MYO18B: variants seen among roughly 807,000 people sequenced by gnomAD.
MYO18B encodes the protein myosin XVIIIB.
A neutral mutation model predicts 273.0 loss-of-function variants in MYO18B; 204 were observed. The observed-to-expected ratio is 0.75, with a 90% CI of 0.67 to 0.84. MYO18B has a LOEUF of 0.84. Ranked by LOEUF, MYO18B falls within the 40% of genes least tolerant of loss-of-function variation. The pLI, the probability that MYO18B is intolerant of heterozygous loss-of-function variation, is 0.00. For synonymous variants in MYO18B, 1,330 were observed against 1,305.7 expected (o/e 1.02, Z -0.40); for missense variants, 3,212 against 3,287.6 (o/e 0.98, Z 0.56).
At position 25,946,197 on chromosome 22, in the gene MYO18B, G is replaced by C; in HGVS notation, c.5578G>C (p.Asp1860His). Residue 1860 changes from aspartate to histidine, a missense_variant, in exon 35 of 44, where the codon GAC (aspartate) becomes CAC (histidine). By Grantham distance (81) the Asp-to-His change is moderately conservative. Coordinates refer to ENST00000335473, the MANE Select transcript of MYO18B (RefSeq NM_032608.7). ...GAAGACGCAGAAGGTGCTCACAGCG[G>C]ACCTGGAGAGCATGCACAGCGAGCT... ...ALKTQKVLTA[D>H]LESMHSELEN... is the part of the protein sequence containing the mutation. 6.3e-7 allele frequency: 1 copy of C among 1,584,664 alleles called. No homozygotes were observed. The highest frequency in any genetic ancestry group is 8.6e-7 in the Non-Finnish European group (1 of 1,167,546).
chr22:25,877,875 T>A, intron 24 of MYO18B, 84 bp from the exon 25 acceptor site: 1 of 1,067,756 alleles, frequency 9.4e-7, no homozygotes, highest in South Asian at 1.5e-5. Context: ...TAACGGAAAC[T>A]TTGTGCCGTT....
chr22:26,027,524 C>T lies in MYO18B; in HGVS notation c.7550C>T (p.Ser2517Phe). 6.2e-7 allele frequency: 1 copy of T among 1,614,014 alleles called. No homozygotes were observed. Among genetic ancestry groups the T allele is most frequent in the African/African-American group, 1.3e-5 (1 of 75,050 alleles). ...TCCTCATCCTCCGGCTCCATCGTGT[C>T]CTTCAAAAGTGCTGACAGCATCAAA... ...DSSSSSGSIV[S>F]FKSADSIKSR... Residue 2517 changes from serine to phenylalanine, a missense_variant, in exon 43 of 44, where the codon TCC becomes TTC. Coordinates refer to ENST00000335473, the MANE Select transcript of MYO18B (RefSeq NM_032608.7). This position sits in a 1 kb window ranked among gnomAD's most constrained non-coding sequence, Gnocchi z 4.1.
chr22:26,007,469 C>T (rs913162704), intron 42 of MYO18B, among the ~76,000 whole-genome samples: 2 of 152,180 alleles, frequency 1.3e-5, no homozygotes, highest in Non-Finnish European at 2.9e-5. Flanking sequence ...GTAGACCACT[C>T]ACCTGGTAAA....
chr22:25,829,905 C>T (rs1003370622), intron 15 of MYO18B, among the ~76,000 whole-genome samples: 1 of 151,252 alleles, frequency 6.6e-6, no homozygotes, highest in Non-Finnish European at 1.5e-5. Flanking sequence ...GTGCATAAAC[C>T]AGAAGCATAT....
intron 22 of MYO18B, among the ~76,000 whole-genome samples, chr22:25,871,401 T>C (rs1288234408): frequency 6.6e-6 from 1 of 152,232 alleles, no homozygotes; most frequent in Non-Finnish European, 1.5e-5. Context: ...CAGGATAACA[T>C]TTTAATGTTT....
At chr22:25,857,277 G>T (rs1190804659) in intron 21 of MYO18B, among the ~76,000 whole-genome samples, 1 of 152,168 alleles carries the variant, frequency 6.6e-6, no homozygotes, top group Non-Finnish European at 1.5e-5. Context: ...AAGTCTATCT[G>T]ATCGATGTGA....
rs530038113 is a variant in MYO18B, at chr22:25,844,821, C to G, written c.3368+927C>G. On this transcript the variant is annotated intron_variant, in intron 18 of 43. Coordinates refer to ENST00000335473, the MANE Select transcript of MYO18B (RefSeq NM_032608.7). ...GCCAGGGCTGGGGCAACAGGAGTTG[C>G]GAGCACACAGAGGACTGAATGATGA... Among the ~76,000 whole-genome samples the G allele has an allele frequency of 2.0e-5, 3 of 152,298 alleles. No individual in the cohort carries two copies. The South Asian group carries it at 6.2e-4, about 32-fold the overall frequency.
chr22:25,821,936 C>CT (rs2089297080), intron 12 of MYO18B, among the ~76,000 whole-genome samples: 1 of 152,174 alleles, frequency 6.6e-6, no homozygotes, highest in African/African-American at 2.4e-5. Context: ...CCTTTTATTA[C>CT]TTTTTACAGC....
In MYO18B at chr22:25,898,499, G is replaced by T. The variant is rs771345649; in HGVS notation, c.4823+38G>T. Reference sequence around the variant, plus strand: ...TCTCACCATCACCTGGGCTGCCAGGGTGGGCTACATTGGAGCTGGCGTTTT... The same window carrying T: ...TCTCACCATCACCTGGGCTGCCAGGTTGGGCTACATTGGAGCTGGCGTTTT... On this transcript the variant is annotated intron_variant, in intron 29 of 43. Coordinates refer to ENST00000335473, the MANE Select transcript of MYO18B (RefSeq NM_032608.7). 4 of 1,605,218 alleles carry T rather than the reference G, an allele frequency of 2.5e-6. No individual in the cohort carries two copies. In the African/African-American group the frequency reaches 4.0e-5, roughly 16 times the overall value.
intron 9 of MYO18B, 63 bp from the exon 10 acceptor site, chr22:25,781,671 C>T (rs1437920885): frequency 3.8e-6 from 4 of 1,060,962 alleles, no homozygotes; most frequent in Non-Finnish European, 3.8e-6. Context: ...TGGGTAGCTG[C>T]ACTTCAGGCA....
At chr22:26,017,886 T>C (rs1482613197) in intron 42 of MYO18B, among the ~76,000 whole-genome samples, 1 of 152,086 alleles carries the variant, frequency 6.6e-6, no homozygotes, top group Non-Finnish European at 1.5e-5. Context: ...TTTCTTATTA[T>C]TAACATCTTG....
chr22:25,997,081 G>T (rs891724602), intron 40 of MYO18B, among the ~76,000 whole-genome samples: 1 of 151,976 alleles, frequency 6.6e-6, no homozygotes, highest in Admixed American at 6.5e-5. Flanking sequence ...CCAACACTTT[G>T]GGAGGCCAAG....
intron 36 of MYO18B, 47 bp downstream of exon 36, chr22:25,947,875 G>A (rs1323967673): frequency 7.0e-7 from 1 of 1,420,698 alleles, no homozygotes; most frequent in East Asian, 2.3e-5. Flanking sequence ...CTTGGGGTGG[G>A]GTGAATGGGG....
At chr22:25,809,216 TACA>T (rs2088622430) in intron 12 of MYO18B, among the ~76,000 whole-genome samples, 1 of 152,158 alleles carries the variant, frequency 6.6e-6, no homozygotes, top group African/African-American at 2.4e-5. Flanking sequence ...GCGCTGGGAT[TACA>T]GGAGTGAGCC....
At chr22:25,775,082 C>G (rs539272156) in intron 7 of MYO18B, among the ~76,000 whole-genome samples, 1 of 152,314 alleles carries the variant, frequency 6.6e-6, no homozygotes, top group South Asian at 2.1e-4. Context: ...TGGGCCTGAG[C>G]AGGCTGATGG....
At chr22:25,776,127 T>G (rs1217504818) in intron 7 of MYO18B, among the ~76,000 whole-genome samples, 1 of 152,226 alleles carries the variant, frequency 6.6e-6, no homozygotes, top group East Asian at 1.9e-4. Flanking sequence ...CCCATATAAA[T>G]GGCATTGTAT....
At chr22:26,037,299 A>G in the MYO18B span, among the ~76,000 whole-genome samples, 18 of 152,226 alleles carry the variant, frequency 1.2e-4, no homozygotes, top group African/African-American at 4.3e-4. Flanking sequence ...GGGGTGGGAG[A>G]GGAGACCCTA....
intron 31 of MYO18B, among the ~76,000 whole-genome samples, chr22:25,906,996 A>G (rs1456631599): frequency 6.6e-6 from 1 of 152,204 alleles, no homozygotes; most frequent in Non-Finnish European, 1.5e-5. Flanking sequence ...TCACCCATCT[A>G]CGCTATTGAG....
At chr22:26,005,974 T>G (rs1934382322) in intron 42 of MYO18B, among the ~76,000 whole-genome samples, 1 of 152,218 alleles carries the variant, frequency 6.6e-6, no homozygotes, top group African/African-American at 2.4e-5. Context: ...ATCTGATTAC[T>G]GCTCTTAATT....
Sources: gnomAD v4.1 joint callset for allele counts (sites outside exome capture counted in the v4.1 genomes callset) on GRCh38, gnomAD v4.1.1 for gene constraint, Gnocchi (gnomAD v3.1) non-coding constraint, MANE v1.5 for transcripts, NCBI Gene and HGNC (gene_info 2026-07-23, HGNC 2026-07-21) for gene names.